Variants in INSC observed in about 807,000 individuals in gnomAD.
The protein encoded by INSC is protein inscuteable homolog.
Under a neutral mutation model 58.6 loss-of-function variants are expected in INSC, and 67 were observed. The ratio of observed to expected loss-of-function variants is 1.14; its 90% confidence interval spans 0.94 to 1.40. The LOEUF (loss-of-function observed/expected upper bound fraction) is 1.40, where lower values mean the gene tolerates loss of function less well. Ranked by LOEUF, INSC falls within the 40% of genes most tolerant of loss-of-function variation. INSC has a pLI of 0.00. For missense variants in INSC, 714 were observed against 692.0 expected (o/e 1.03, Z -0.36); for synonymous variants, 262 against 276.1 (o/e 0.95, Z 0.51).
rs771635441 is a variant in INSC at position 15,221,534 on chromosome 11, A to C, written c.877A>C (p.Thr293Pro). Reference sequence around the variant, plus strand: ...GACCGACAACAGCCACTCAGAGGCCACACGGGCTGAGGCTGCGGCTGTGGT... The same window carrying C: ...GACCGACAACAGCCACTCAGAGGCCCCACGGGCTGAGGCTGCGGCTGTGGT... ...ILTDNSHSEA[T>P]RAEAAAVVAQ... Residue 293 changes from threonine (T) to proline (P), a missense_variant, in exon 8 of 13, where the codon ACA (threonine) becomes CCA (proline). Physicochemically the swap from Thr to Pro is conservative, Grantham distance 38. Coordinates refer to ENST00000379556, the MANE Select transcript of INSC (RefSeq NM_001042536.3). 1 of 1,614,082 alleles carries C rather than the reference A, an allele frequency of 6.2e-7. No individual in the cohort carries two copies.
intron 1 of INSC, among the ~76,000 whole-genome samples, chr11:15,121,674 T>C (rs1847877400): frequency 6.6e-6 from 1 of 152,236 alleles, no homozygotes; most frequent in South Asian, 2.1e-4. Context: ...GATTTTATCA[T>C]CGTTGATCAT....
Position 15,189,288 on chromosome 11 carries a change from A to T in INSC, c.580-1413A>T, listed in dbSNP as rs371572237. 1.9e-3 allele frequency among the ~76,000 whole-genome samples: 283 copies of T among 152,314 alleles called. 1 individual carries two copies. The highest frequency in any genetic ancestry group is 6.4e-3 in the African/African-American group (265 of 41,564). ...CTTCCACCTGGCAGGTACCTTTAGA[A>T]ATCCTTTATATATATTGACAACCTT... On this transcript the variant is annotated intron_variant, in intron 5 of 12. Transcript: ENST00000379556.
intron 2 of INSC, among the ~76,000 whole-genome samples, chr11:15,173,547 G>A (rs1849472961): frequency 6.6e-6 from 1 of 152,018 alleles, no homozygotes; most frequent in South Asian, 2.1e-4. Context: ...GGATATATGG[G>A]CAGTAGGGTG....
rs970962883 is a variant in INSC at position 15,149,231 on chromosome 11, G to C, written c.56+1G>C. 1.9e-6 allele frequency: 3 copies of C among 1,602,878 alleles called. No individual in the cohort carries two copies. The African/African-American group carries it at 4.0e-5, about 21-fold the overall frequency. On this transcript the variant is annotated splice_donor_variant, in intron 2 of 12. Transcript: ENST00000379556. LOFTEE classifies it high-confidence loss of function. ...ACTCCGTCACCCTGCCGGGTCAGCG[G>C]TAAGTCCTACAGCTGTCACTCCAGG...
chr11:15,237,730 T>C (rs996432348), intron 10 of INSC, among the ~76,000 whole-genome samples: 30 of 152,196 alleles, frequency 2.0e-4, no homozygotes, highest in Admixed American at 5.2e-4. Context: ...CTCAGACAGG[T>C]AATGTAAATG....
intron 5 of INSC, among the ~76,000 whole-genome samples, chr11:15,182,611 T>G (rs1849820551): frequency 6.6e-6 from 1 of 152,220 alleles, no homozygotes; most frequent in Non-Finnish European, 1.5e-5. Context: ...ATCTTAATTT[T>G]TAGCTCCCTG....
chr11:15,214,313 T>C (rs941489775), intron 7 of INSC, among the ~76,000 whole-genome samples: 4 of 152,214 alleles, frequency 2.6e-5, no homozygotes, highest in African/African-American at 7.2e-5. Context: ...AGAGAAAATT[T>C]GAGCATCTCT....
chr11:15,261,727 T>C, the INSC span, among the ~76,000 whole-genome samples: 21 of 152,258 alleles, frequency 1.4e-4, no homozygotes, highest in South Asian at 1.2e-3. Context: ...CAAGTTAAGA[T>C]ACAGAACTTT....
chr11:15,267,233 C>T, the INSC span, among the ~76,000 whole-genome samples: 3 of 151,924 alleles, frequency 2.0e-5, no homozygotes, highest in Non-Finnish European at 2.9e-5. Context: ...ATCTTTGCTC[C>T]TCTATATAAT....
chr11:15,231,936 A>G (rs7116602), intron 9 of INSC, among the ~76,000 whole-genome samples: 15,244 of 152,222 alleles, frequency 0.1, 1,689 homozygotes, highest in African/African-American at 0.27. Context: ...ACACCTTGGC[A>G]TCGGCCTGCA....
At chr11:15,207,237 C>A (rs1850838903) in intron 7 of INSC, among the ~76,000 whole-genome samples, 1 of 152,182 alleles carries the variant, frequency 6.6e-6, no homozygotes, top group East Asian at 1.9e-4. Flanking sequence ...TGGTCATTGT[C>A]TTTTCCAGAA....
At chr11:15,175,356 A>C (rs1849535827) in intron 2 of INSC, among the ~76,000 whole-genome samples, 1 of 152,180 alleles carries the variant, frequency 6.6e-6, no homozygotes, top group Non-Finnish European at 1.5e-5. Context: ...CCATTATTTG[A>C]TATTTAGGCT....
chr11:15,139,896 C>T (rs192771034), intron 1 of INSC, among the ~76,000 whole-genome samples: 2 of 152,292 alleles, frequency 1.3e-5, no homozygotes, highest in African/African-American at 4.8e-5. Flanking sequence ...ATTTTCAGCT[C>T]AGAGCTAGCT....
chr11:15,229,975 T>TTATATATATA lies in INSC; in HGVS notation c.1170+4147_1170+4148insTATATATATA, dbSNP rs1564917208. On this transcript the variant is annotated intron_variant, in intron 9 of 12. Coordinates refer to ENST00000379556, the MANE Select transcript of INSC (RefSeq NM_001042536.3). ...ATATATATATTTATATATATATATA[T>TTATATATATA]ATATTATATATATATATATATATAT... Among the ~76,000 whole-genome samples, 24 of 13,952 alleles carry TTATATATATA rather than the reference T, an allele frequency of 1.7e-3. 1 individual carries two copies. Among genetic ancestry groups the TTATATATATA allele is most frequent in the African/African-American group, 4.3e-3 (23 of 5,348 alleles). 9.2% of individuals were successfully genotyped at this position (13,952 alleles called of 152,430 possible).
chr11:15,130,400 A>T (rs987071681), intron 1 of INSC, among the ~76,000 whole-genome samples: 1 of 152,138 alleles, frequency 6.6e-6, no homozygotes, highest in African/African-American at 2.4e-5. Flanking sequence ...CTGTTTTCTA[A>T]TGTTAAAATA....
intron 7 of INSC, among the ~76,000 whole-genome samples, chr11:15,209,331 C>G (rs1249228256): frequency 6.6e-6 from 1 of 152,202 alleles, no homozygotes; most frequent in African/African-American, 2.4e-5. Flanking sequence ...GAAGATGATA[C>G]AAGTCAATGC....
At chr11:15,208,161 T>C (rs1321403474) in intron 7 of INSC, among the ~76,000 whole-genome samples, 1 of 152,214 alleles carries the variant, frequency 6.6e-6, no homozygotes, top group Non-Finnish European at 1.5e-5. Flanking sequence ...TACCTAGGAA[T>C]AGCTTTTAGA....
chr11:15,249,322 C>A (rs371816196), downstream of INSC, among the ~76,000 whole-genome samples: 15 of 152,216 alleles, frequency 9.9e-5, no homozygotes, highest in Admixed American at 3.3e-4. Flanking sequence ...TTACTTTGGG[C>A]CTGAAGCAAA....
At chr11:15,201,231 C>T (rs1850579565) in intron 7 of INSC, among the ~76,000 whole-genome samples, 1 of 152,040 alleles carries the variant, frequency 6.6e-6, no homozygotes, top group African/African-American at 2.4e-5. Context: ...GTGGGTGGAT[C>T]ATGGTAGGAG....
Sources: gnomAD v4.1 joint callset for allele counts (sites outside exome capture counted in the v4.1 genomes callset) on GRCh38, gnomAD v4.1.1 for gene constraint, MANE v1.5 for transcripts, NCBI Gene and HGNC (gene_info 2026-07-23, HGNC 2026-07-21) for gene names.